The following ANKS1B variants were observed in gnomAD, a reference collection of about 807,000 sequenced individuals.
The protein encoded by ANKS1B is ankyrin repeat and sterile alpha motif domain containing 1B.
In ANKS1B, 36 loss-of-function variants were observed where a neutral mutation model predicts 148.3. The ratio of observed to expected loss-of-function variants is 0.24; its 90% CI spans 0.19 to 0.32. The LOEUF is 0.32. Ranked by LOEUF, ANKS1B falls within the 10% of genes least tolerant of loss-of-function variation. The probability of loss-of-function intolerance (pLI) is 1.00; values close to 1 mark genes in which losing one functional copy is unlikely to be tolerated. For synonymous variants in ANKS1B, 542 were observed against 560.8 expected (o/e 0.97, Z 0.47); for missense variants, 1,157 against 1,542.6 (o/e 0.75, Z 4.19).
At chr12:99,648,689 T>C (rs768024826) in intron 9 of ANKS1B, 1 of 1,614,178 alleles carries the variant, frequency 6.2e-7, no homozygotes, top group Non-Finnish European at 8.5e-7. Flanking sequence ...CTTGTTTACA[T>C]CCTGAGACCA....
intron 12 of ANKS1B, among the ~76,000 whole-genome samples, chr12:99,382,706 AAAAAAAAAAAAAG>A (rs1371415566): frequency 1.2e-5 from 1 of 85,480 alleles, no homozygotes; most frequent in Admixed American, 1.4e-4. Flanking sequence ...TTAAAAAAAA[AAAAAAAAAAAAAG>A]AGAGAGAGAG....
At chr12:99,710,254 T>G (rs1252043604) in intron 8 of ANKS1B, among the ~76,000 whole-genome samples, 1 of 152,150 alleles carries the variant, frequency 6.6e-6, no homozygotes, top group Non-Finnish European at 1.5e-5. Flanking sequence ...CATTAATCTT[T>G]GTCAATAATG....
chr12:98,791,533 C>T (rs1438686110), intron 22 of ANKS1B, among the ~76,000 whole-genome samples: 2 of 150,050 alleles, frequency 1.3e-5, no homozygotes, highest in African/African-American at 4.9e-5. Flanking sequence ...TTGATGCTTC[C>T]ATGAAATTGG....
At chr12:99,166,418 T>C (rs1242947602) in intron 14 of ANKS1B, among the ~76,000 whole-genome samples, 1 of 151,830 alleles carries the variant, frequency 6.6e-6, no homozygotes, top group Non-Finnish European at 1.5e-5. Context: ...AATAAGTGAG[T>C]TTAGCAGAGT....
At chr12:99,977,365 T>C (rs559858655) in intron 1 of ANKS1B, among the ~76,000 whole-genome samples, 1 of 152,210 alleles carries the variant, frequency 6.6e-6, no homozygotes, top group East Asian at 1.9e-4. Context: ...GCCTAGGCTA[T>C]TCTTGAACCC....
At chr12:99,289,953 A>G (rs1419841852) in intron 12 of ANKS1B, among the ~76,000 whole-genome samples, 1 of 152,004 alleles carries the variant, frequency 6.6e-6, no homozygotes, top group Non-Finnish European at 1.5e-5. Flanking sequence ...CAGAAACAGA[A>G]AAGAATAATA....
At chr12:99,935,991 GCAGCAGGAGAAAGAATGA>G (rs2094758284) in intron 1 of ANKS1B, among the ~76,000 whole-genome samples, 1 of 152,174 alleles carries the variant, frequency 6.6e-6, no homozygotes, top group East Asian at 1.9e-4. Context: ...TCCTCACAGG[GCAGCAGGAGAAAGAATGA>G]GTGCAAGCAG....
At chr12:98,765,421 G>T (rs779373006) in intron 25 of ANKS1B, among the ~76,000 whole-genome samples, 1 of 151,608 alleles carries the variant, frequency 6.6e-6, no homozygotes, top group East Asian at 1.9e-4. Flanking sequence ...GTACCACCAC[G>T]CCTGGCTAAT....
intron 25 of ANKS1B, among the ~76,000 whole-genome samples, chr12:98,762,824 C>T (rs768857707): frequency 1.3e-5 from 2 of 152,272 alleles, no homozygotes; most frequent in Non-Finnish European, 2.9e-5. Flanking sequence ...GTTGACTGAG[C>T]TCCTTGAGGG....
chr12:99,963,003 C>T (rs558475107), intron 1 of ANKS1B, among the ~76,000 whole-genome samples: 11 of 152,064 alleles, frequency 7.2e-5, no homozygotes, highest in East Asian at 1.9e-4. Flanking sequence ...TTAGTGGAGA[C>T]GGGGTTTCAC....
At chr12:99,845,212 T>C (rs1441839360) in intron 1 of ANKS1B, among the ~76,000 whole-genome samples, 1 of 152,204 alleles carries the variant, frequency 6.6e-6, no homozygotes, top group Non-Finnish European at 1.5e-5. Context: ...CCTATTTGAA[T>C]ACCTTTATTT....
chr12:99,706,608 A>T (rs10082898), intron 8 of ANKS1B: 3 of 151,922 alleles, frequency 2.0e-5, no homozygotes, highest in Non-Finnish European at 4.4e-5. Flanking sequence ...CTTGAGTGGA[A>T]GCAGAACCTC....
chr12:98,819,175 GA>G (rs2099165175), intron 19 of ANKS1B, among the ~76,000 whole-genome samples: 1 of 152,198 alleles, frequency 6.6e-6, no homozygotes, highest in Non-Finnish European at 1.5e-5. Flanking sequence ...ATTATTGGAT[GA>G]GTAACTTTAT....
chr12:99,835,985 G>A (rs1482416652), intron 1 of ANKS1B, among the ~76,000 whole-genome samples: 1 of 152,110 alleles, frequency 6.6e-6, no homozygotes, highest in Non-Finnish European at 1.5e-5. Context: ...TGTCACATTG[G>A]AACCCACATA....
chr12:99,154,524 G>A (rs1373674362), intron 14 of ANKS1B, 129 bp from the exon 15 acceptor site: 4 of 1,599,160 alleles, frequency 2.5e-6, no homozygotes, highest in African/African-American at 1.3e-5. Context: ...AAAGGAGCCC[G>A]CCAGCTTGAC....
chr12:99,146,619 G>A (rs2073205532), intron 15 of ANKS1B, among the ~76,000 whole-genome samples: 1 of 152,064 alleles, frequency 6.6e-6, no homozygotes, highest in South Asian at 2.1e-4. Flanking sequence ...AGGTTGGATC[G>A]TGCTCTGAAC....
chr12:98,853,864 A>G (rs1037078711), intron 17 of ANKS1B, among the ~76,000 whole-genome samples: 1 of 152,178 alleles, frequency 6.6e-6, no homozygotes, highest in South Asian at 2.1e-4. Flanking sequence ...TGTTGTTTTA[A>G]TGAACAAACA....
At chr12:98,736,734 A>AAAG (rs1399938385) in intron 9 of ANKS1B, among the ~76,000 whole-genome samples, 1 of 152,206 alleles carries the variant, frequency 6.6e-6, no homozygotes, top group Non-Finnish European at 1.5e-5. Flanking sequence ...AGGAGACTAA[A>AAAG]AAGGACCAGC....
intron 10 of ANKS1B, among the ~76,000 whole-genome samples, chr12:99,472,569 TTAAC>T (rs770010471): frequency 6.6e-6 from 1 of 152,140 alleles, no homozygotes; most frequent in South Asian, 2.1e-4. Context: ...TGTTTTCATT[TTAAC>T]TAATACATAG....
Sources: allele counts gnomAD v4.1 joint callset (sites outside exome capture counted in the v4.1 genomes callset), GRCh38; gene constraint gnomAD v4.1.1; transcripts MANE v1.5; gene names NCBI Gene and HGNC (gene_info 2026-07-23, HGNC 2026-07-21).